The following ASIC2 variants were observed in gnomAD, a reference collection of about 807,000 sequenced individuals.
ASIC2 encodes acid sensing ion channel subunit 2.
Under a neutral mutation model 57.3 loss-of-function variants are expected in ASIC2, and 25 were observed. The ratio of observed to expected loss-of-function variants is 0.44; its 90% confidence interval spans 0.32 to 0.61. The LOEUF is 0.61. Ranked by LOEUF, ASIC2 falls within the 20% of genes least tolerant of loss-of-function variation. The pLI is 0.06. For missense variants in ASIC2, 641 were observed against 738.1 expected (o/e 0.87, Z 1.52); for synonymous variants, 319 against 307.5 (o/e 1.04, Z -0.39).
intron 1 of ASIC2, among the ~76,000 whole-genome samples, chr17:33,895,761 C>T (rs1400344289): frequency 6.6e-6 from 1 of 152,186 alleles, no homozygotes; most frequent in African/African-American, 2.4e-5. Context: ...GATTTGGTAT[C>T]TGTCCCACAA....
At chr17:33,046,082 C>T (rs1339586330) in intron 3 of ASIC2, among the ~76,000 whole-genome samples, 1 of 152,206 alleles carries the variant, frequency 6.6e-6, no homozygotes, top group Non-Finnish European at 1.5e-5. Flanking sequence ...TCATCTGGGG[C>T]TTGACTCTGC....
At chr17:34,063,042 C>A (rs777820264) in intron 1 of ASIC2, among the ~76,000 whole-genome samples, 1 of 152,062 alleles carries the variant, frequency 6.6e-6, no homozygotes, top group Non-Finnish European at 1.5e-5. Context: ...ACCCTAATAC[C>A]AAAACCAGGA....
intron 7 of ASIC2, among the ~76,000 whole-genome samples, chr17:33,018,300 C>G (rs1349910389): frequency 1.3e-5 from 1 of 77,350 alleles, no homozygotes; most frequent in Non-Finnish European, 3.5e-5. Context: ...GCATCCAACT[C>G]TCCTGGAAGA....
intron 1 of ASIC2, among the ~76,000 whole-genome samples, chr17:33,617,604 C>T (rs9909130): frequency 0.022 from 3,344 of 152,266 alleles, 94 homozygotes; most frequent in African/African-American, 0.072. Context: ...TGTGACAACA[C>T]GATGTACCTG....
chr17:33,705,290 T>C (rs1393175569), intron 1 of ASIC2, among the ~76,000 whole-genome samples: 1 of 152,210 alleles, frequency 6.6e-6, no homozygotes, highest in African/African-American at 2.4e-5. Flanking sequence ...ATTCTTTCCT[T>C]TAATTAATCA....
intron 1 of ASIC2, among the ~76,000 whole-genome samples, chr17:33,650,371 A>T (rs1190072580): frequency 1.3e-5 from 2 of 152,174 alleles, no homozygotes; most frequent in African/African-American, 4.8e-5. Flanking sequence ...GATCACTCAG[A>T]CATTACTGGC....
chr17:33,426,956 CT>C (rs1447350764), intron 1 of ASIC2, among the ~76,000 whole-genome samples: 1 of 152,186 alleles, frequency 6.6e-6, no homozygotes, highest in East Asian at 1.9e-4. Flanking sequence ...GGTAAGTTAT[CT>C]GAGTCATATT....
chr17:33,894,053 T>C (rs752256476), intron 1 of ASIC2, among the ~76,000 whole-genome samples: 5 of 151,810 alleles, frequency 3.3e-5, no homozygotes, highest in Admixed American at 2.0e-4. Context: ...TGATTGGCTC[T>C]ATATTTTATT....
chr17:33,482,551 C>T (rs1913440586), intron 1 of ASIC2, among the ~76,000 whole-genome samples: 1 of 152,234 alleles, frequency 6.6e-6, no homozygotes, highest in Non-Finnish European at 1.5e-5. Flanking sequence ...CCTTCATTTT[C>T]TCATCTGATT....
At chr17:34,092,872 T>C (rs1910381927) in intron 1 of ASIC2, among the ~76,000 whole-genome samples, 1 of 152,202 alleles carries the variant, frequency 6.6e-6, no homozygotes, top group Non-Finnish European at 1.5e-5. Context: ...CTTTATACTT[T>C]TATTATGTAT....
At chr17:33,087,198 T>A (rs1342128274) in intron 3 of ASIC2, among the ~76,000 whole-genome samples, 1 of 152,216 alleles carries the variant, frequency 6.6e-6, no homozygotes, top group Non-Finnish European at 1.5e-5. Context: ...ATCCTTGTTC[T>A]CACTCTTCTT....
chr17:33,737,116 C>G (rs1361017955), intron 1 of ASIC2, among the ~76,000 whole-genome samples: 1 of 152,258 alleles, frequency 6.6e-6, no homozygotes, highest in Non-Finnish European at 1.5e-5. Flanking sequence ...CAAGTTTTTG[C>G]TAATACAAAA....
intron 9 of ASIC2, among the ~76,000 whole-genome samples, chr17:33,015,257 G>A (rs979350532): frequency 3.3e-5 from 5 of 152,230 alleles, no homozygotes; most frequent in Non-Finnish European, 1.5e-5. Flanking sequence ...GCTGGATGGG[G>A]AAAGCTGGCG....
chr17:33,963,395 G>A (rs1904984602), intron 1 of ASIC2, among the ~76,000 whole-genome samples: 1 of 152,126 alleles, frequency 6.6e-6, no homozygotes, highest in Non-Finnish European at 1.5e-5. Flanking sequence ...CCCATTTCTG[G>A]ACGCAGAGTA....
At chr17:33,828,656 C>T (rs182992650) in intron 1 of ASIC2, among the ~76,000 whole-genome samples, 5 of 152,056 alleles carry the variant, frequency 3.3e-5, no homozygotes, top group East Asian at 1.9e-4. Context: ...TGTGAGAGCA[C>T]GTAAACTGGA....
intron 1 of ASIC2, among the ~76,000 whole-genome samples, chr17:33,329,854 T>C (rs1255647878): frequency 2.2e-4 from 34 of 152,156 alleles, no homozygotes; most frequent in Admixed American, 1.6e-3. Flanking sequence ...AGGTAGGTCA[T>C]TGGATCTGTT....
intron 1 of ASIC2, among the ~76,000 whole-genome samples, chr17:33,888,115 C>T (rs2141945032): frequency 6.6e-6 from 1 of 152,178 alleles, no homozygotes; most frequent in Middle Eastern, 3.4e-3. Context: ...GATGGGTTTA[C>T]CAGGGATATA....
chr17:33,973,091 C>T (rs979408896), intron 1 of ASIC2, among the ~76,000 whole-genome samples: 2 of 152,246 alleles, frequency 1.3e-5, no homozygotes, highest in African/African-American at 2.4e-5. Context: ...ATCTCTGCAT[C>T]ATCTCTTGGG....
At chr17:33,175,699 C>T (rs2142053326) in intron 1 of ASIC2, among the ~76,000 whole-genome samples, 1 of 152,186 alleles carries the variant, frequency 6.6e-6, no homozygotes, top group South Asian at 2.1e-4. Flanking sequence ...CTGCTGCCTC[C>T]CCTGTCTGTG....
Sources: allele counts gnomAD v4.1 joint callset (sites outside exome capture counted in the v4.1 genomes callset), GRCh38; gene constraint gnomAD v4.1.1; transcripts MANE v1.5; gene names NCBI Gene and HGNC (gene_info 2026-07-23, HGNC 2026-07-21).